ATXN7: variants seen among roughly 807,000 people sequenced by gnomAD.
ATXN7 encodes ataxin-7.
ATXN7 carries 12 observed loss-of-function variants against 70.5 expected under a neutral mutation model. The ratio of observed to expected loss-of-function variants is 0.17; its 90% CI spans 0.11 to 0.28. The LOEUF (loss-of-function observed/expected upper bound fraction) is 0.28, where lower values mean the gene tolerates loss of function less well. Among genes scored for constraint, ATXN7 ranks in the 10% least tolerant of loss-of-function variants. The probability of loss-of-function intolerance (pLI) is 1.00; values close to 1 mark genes in which losing one functional copy is unlikely to be tolerated. For synonymous variants in ATXN7, 498 were observed against 448.7 expected (o/e 1.11, Z -1.39); for missense variants, 1,256 against 1,131.7 (o/e 1.11, Z -1.58).
chr3:63,925,555 A>G (rs569990879), intron 4 of ATXN7, among the ~76,000 whole-genome samples: 2 of 152,180 alleles, frequency 1.3e-5, no homozygotes, highest in East Asian at 1.9e-4. Context: ...GACCCCCCCA[A>G]CCCTGGTCAG....
chr3:63,903,406 A>C (rs1057415069), intron 2 of ATXN7, among the ~76,000 whole-genome samples: 1 of 151,570 alleles, frequency 6.6e-6, no homozygotes, highest in Non-Finnish European at 1.5e-5. Context: ...AAAAAAAAAA[A>C]AAAGGCACAT....
intron 4 of ATXN7, among the ~76,000 whole-genome samples, chr3:63,913,862 T>C (rs1704156081): frequency 6.6e-6 from 1 of 152,152 alleles, no homozygotes; most frequent in Admixed American, 6.5e-5. Flanking sequence ...AAAGATACAC[T>C]AGGGAAATAG....
At chr3:63,952,335 G>A in intron 4 of ATXN7, 44 bp from the exon 5 acceptor site, 1 of 1,487,490 alleles carries the variant, frequency 6.7e-7, no homozygotes, top group South Asian at 1.2e-5. Flanking sequence ...TTTTATATCA[G>A]TCAGAACCAG....
At chr3:63,948,001 A>C (rs1340841289) in intron 4 of ATXN7, among the ~76,000 whole-genome samples, 1 of 152,136 alleles carries the variant, frequency 6.6e-6, no homozygotes, top group Non-Finnish European at 1.5e-5. Context: ...TTCTATTCCA[A>C]GAGGAGTAGA....
intron 4 of ATXN7, among the ~76,000 whole-genome samples, chr3:63,947,726 A>C (rs1399355619): frequency 6.6e-6 from 1 of 152,182 alleles, no homozygotes; most frequent in East Asian, 1.9e-4. Flanking sequence ...GATAGTAACT[A>C]ACTGGGGAGG....
chr3:63,863,656 G>A (rs1488030629), upstream of ATXN7: 8 of 1,221,044 alleles, frequency 6.6e-6, no homozygotes, highest in African/African-American at 7.9e-5. Flanking sequence ...GAAGCGCTCT[G>A]GCGAAGAGGC....
At chr3:63,969,498 A>G (rs749444754) in intron 5 of ATXN7, among the ~76,000 whole-genome samples, 5 of 152,118 alleles carry the variant, frequency 3.3e-5, no homozygotes, top group Non-Finnish European at 4.4e-5. Flanking sequence ...GAAACAACCA[A>G]ACAAAAACAA....
chr3:63,879,459 A>G (rs938229769), intron 1 of ATXN7, among the ~76,000 whole-genome samples: 52 of 151,662 alleles, frequency 3.4e-4, no homozygotes, highest in Non-Finnish European at 4.4e-4. Flanking sequence ...GGAAAGTGCA[A>G]CTTAAGTCCT....
intron 12 of ATXN7, chr3:63,998,208 G>GGC: frequency 1.1e-6 from 1 of 920,988 alleles, no homozygotes; most frequent in Non-Finnish European, 1.3e-6. Flanking sequence ...GAAGGGGGGG[G>GGC]GGCCAGGTGG....
chr3:63,893,440 C>G (rs115494075), intron 1 of ATXN7, among the ~76,000 whole-genome samples: 1,716 of 152,126 alleles, frequency 0.011, 43 homozygotes, highest in Non-Finnish European at 0.014. Context: ...GAGATAGGCT[C>G]AAGATGGGAG....
At position 63,999,621 on chromosome 3, in the gene ATXN7, C is replaced by G. The variant is rs546603553; in HGVS notation, c.*154C>G. ...GAAACCTGCCGGGCTGTTGTTTTAACGAGGATTTCCCTGAAGCTATGTCTC... is the reference window on the plus strand; with the variant it reads ...GAAACCTGCCGGGCTGTTGTTTTAAGGAGGATTTCCCTGAAGCTATGTCTC... On this transcript the variant is annotated 3_prime_UTR_variant, in exon 13 of 13. Coordinates refer to ENST00000674280, the MANE Select transcript of ATXN7 (RefSeq NM_001377405.1). 3.7e-6 allele frequency: 5 copies of G among 1,367,408 alleles called. No homozygotes were observed. Among genetic ancestry groups the G allele is most frequent in the East Asian group, 5.0e-5 (2 of 40,012 alleles). 84.7% of individuals were successfully genotyped at this position (1,367,408 alleles called of 1,614,324 possible).
intron 4 of ATXN7, among the ~76,000 whole-genome samples, chr3:63,928,499 G>GTAA (rs1704806820): frequency 6.6e-6 from 1 of 152,154 alleles, no homozygotes; most frequent in Non-Finnish European, 1.5e-5. Flanking sequence ...AGTAGTGGTA[G>GTAA]TAATAATAGT....
intron 4 of ATXN7, among the ~76,000 whole-genome samples, chr3:63,914,564 G>A (rs1704186240): frequency 6.6e-6 from 1 of 152,140 alleles, no homozygotes; most frequent in African/African-American, 2.4e-5. Flanking sequence ...AAATCACTAG[G>A]TGGCAACTCT....
chr3:63,971,602 C>G (rs570923436), intron 5 of ATXN7, among the ~76,000 whole-genome samples: 2 of 152,256 alleles, frequency 1.3e-5, no homozygotes, highest in African/African-American at 4.8e-5. Flanking sequence ...GCTCGATGTT[C>G]ATGTGTAGTC....
At chr3:63,863,358 ACTGTCCACC>A (rs1334137319), upstream of ATXN7, 7 of 808,870 alleles carry the variant, frequency 8.7e-6, no homozygotes, top group African/African-American at 1.3e-4. Flanking sequence ...GCCCGGCACC[ACTGTCCACC>A]CTTCGCGGCT....
intron 1 of ATXN7, among the ~76,000 whole-genome samples, chr3:63,892,917 T>C (rs1703328650): frequency 6.6e-6 from 1 of 152,184 alleles, no homozygotes; most frequent in South Asian, 2.1e-4. Flanking sequence ...AGATGTGAGT[T>C]ACTTGGAAAG....
At chr3:63,998,058 G>A (rs900597695) in intron 12 of ATXN7, 8 of 985,240 alleles carry the variant, frequency 8.1e-6, no homozygotes, top group South Asian at 4.7e-5. Context: ...TCAACGCACC[G>A]TCTTTGAGAG....
chr3:63,981,210 G>C (rs2075481441), intron 6 of ATXN7, among the ~76,000 whole-genome samples: 1 of 152,186 alleles, frequency 6.6e-6, no homozygotes, highest in African/African-American at 2.4e-5. Flanking sequence ...CTGCTGTCAG[G>C]CTATTCCAGG....
In ATXN7 at chr3:63,912,663, G is replaced by A; in HGVS notation, c.65G>A (p.Gly22Glu). ...CGCCGCGCGGCGGCGGCGGCGGGCG[G>A]AGCAGCGGCCGCGGCCGCCCGGCAG... ...EPRRAAAAAG[G>E]AAAAAARQQQ... Residue 22 changes from glycine to glutamate, a missense_variant, in exon 3 of 13, where the codon GGA (glycine) becomes GAA (glutamate). By Grantham distance (98) the Gly-to-Glu change is moderately conservative (BLOSUM62 -2). Transcript: ENST00000674280. The A allele has an allele frequency of 1.9e-6, 2 of 1,050,278 alleles. No individual in the cohort carries two copies. The highest frequency in any genetic ancestry group is 8.7e-5 in the South Asian group (2 of 23,024). 65.1% of individuals were successfully genotyped at this position (1,050,278 alleles called of 1,614,324 possible).
Sources: gnomAD v4.1 joint callset for allele counts (sites outside exome capture counted in the v4.1 genomes callset) on GRCh38, gnomAD v4.1.1 for gene constraint, MANE v1.5 for transcripts, NCBI Gene and HGNC (gene_info 2026-07-23, HGNC 2026-07-21) for gene names.